The following RXFP1 variants were observed in gnomAD, a reference collection of about 807,000 sequenced individuals.
RXFP1 encodes the protein relaxin family peptide receptor 1, also known as relaxin receptor 1.
RXFP1 carries 73 observed loss-of-function variants against 89.8 expected under a neutral mutation model. The observed-to-expected ratio is 0.81, with a 90% CI of 0.67 to 0.99. The LOEUF (loss-of-function observed/expected upper bound fraction) is 0.99, where lower values mean the gene tolerates loss of function less well. Ranked by LOEUF, RXFP1 falls within the 50% of genes least tolerant of loss-of-function variation. The pLI, the probability that RXFP1 is intolerant of heterozygous loss-of-function variation, is 0.00. For missense variants in RXFP1, 793 were observed against 895.5 expected (o/e 0.89, Z 1.46); for synonymous variants, 277 against 305.5 (o/e 0.91, Z 0.97).
chr4:158,588,318 G>A (rs753223647), intron 2 of RXFP1, among the ~76,000 whole-genome samples: 3 of 152,092 alleles, frequency 2.0e-5, no homozygotes, highest in Non-Finnish European at 4.4e-5. Flanking sequence ...GATTCAGTCA[G>A]CCTCCCCACA....
chr4:158,567,911 G>A (rs753081118), intron 1 of RXFP1, among the ~76,000 whole-genome samples: 2 of 152,190 alleles, frequency 1.3e-5, no homozygotes, highest in Non-Finnish European at 2.9e-5. Context: ...AGCTTGTGGT[G>A]GCTTTGTTCT....
chr4:158,525,705 G>A (rs1161875006), intron 1 of RXFP1, among the ~76,000 whole-genome samples: 2 of 152,130 alleles, frequency 1.3e-5, no homozygotes, highest in African/African-American at 4.8e-5. Context: ...CATGGATGAG[G>A]AACAATGTAA....
intron 9 of RXFP1, among the ~76,000 whole-genome samples, chr4:158,623,758 T>G (rs559838358): frequency 3.3e-5 from 5 of 152,264 alleles, no homozygotes; most frequent in African/African-American, 1.2e-4. Flanking sequence ...GGTCGAAGTA[T>G]TACAGTGTAG....
chr4:158,649,781 A>C (rs1357133829), intron 17 of RXFP1, among the ~76,000 whole-genome samples: 1 of 152,244 alleles, frequency 6.6e-6, no homozygotes, highest in Non-Finnish European at 1.5e-5. Context: ...GCTGCTATGG[A>C]AGACAATATG....
In RXFP1 at chr4:158,652,071, A is replaced by G. The variant is rs1236202062; in HGVS notation, c.*16A>G. On this transcript the variant is annotated 3_prime_UTR_variant, in exon 18 of 18. Coordinates refer to ENST00000307765, the MANE Select transcript of RXFP1 (RefSeq NM_021634.4). ...CTATTCATGACTGACTCTGAAATTC[A>G]TTTCTTCGCAGAGAATACTGTGGGG... 1 of 1,590,266 alleles carries G rather than the reference A, an allele frequency of 6.3e-7. No individual in the cohort carries two copies. Among genetic ancestry groups the G allele is most frequent in the East Asian group, 2.2e-5 (1 of 44,568 alleles).
intron 2 of RXFP1, among the ~76,000 whole-genome samples, chr4:158,585,164 T>A (rs1758056291): frequency 6.6e-6 from 1 of 152,212 alleles, no homozygotes; most frequent in Non-Finnish European, 1.5e-5. Flanking sequence ...TTTCAAAATG[T>A]ACTAATAGGT....
intron 1 of RXFP1, among the ~76,000 whole-genome samples, chr4:158,545,854 C>T (rs1330316765): frequency 6.6e-6 from 1 of 152,104 alleles, no homozygotes. Flanking sequence ...TTACTGTAGC[C>T]TTGTAGTATA....
At chr4:158,528,747 G>T (rs1407462404) in intron 1 of RXFP1, among the ~76,000 whole-genome samples, 1 of 152,234 alleles carries the variant, frequency 6.6e-6, no homozygotes, top group Non-Finnish European at 1.5e-5. Flanking sequence ...TACAGCAGAA[G>T]AAACTTTGCC....
At chr4:158,574,404 G>T (rs1419264683) in intron 2 of RXFP1, among the ~76,000 whole-genome samples, 16 of 152,054 alleles carry the variant, frequency 1.1e-4, no homozygotes, top group Non-Finnish European at 2.9e-5. Flanking sequence ...AAAAAAATCA[G>T]CTAGGTCACA....
intron 1 of RXFP1, among the ~76,000 whole-genome samples, chr4:158,528,977 G>A (rs1743294583): frequency 6.6e-6 from 1 of 152,188 alleles, no homozygotes; most frequent in Non-Finnish European, 1.5e-5. Flanking sequence ...TGGAGGCCCT[G>A]GTCGTAGGGA....
chr4:158,644,269 A>T, intron 14 of RXFP1, among the ~76,000 whole-genome samples: 1 of 151,880 alleles, frequency 6.6e-6, no homozygotes, highest in East Asian at 1.9e-4. Flanking sequence ...GATGGTCTCA[A>T]TATCCTGACC....
At position 158,644,976 on chromosome 4, in the gene RXFP1, G is replaced by A; in HGVS notation, c.1183G>A (p.Gly395Arg). The A allele has an allele frequency of 6.2e-7, 1 of 1,614,142 alleles. No homozygotes were observed. Among genetic ancestry groups the A allele is most frequent in the Non-Finnish European group, 8.5e-7 (1 of 1,180,006 alleles). ...HVRSCKPNTDGISSLENLLAS... is the reference protein window; with the variant it reads ...HVRSCKPNTDRISSLENLLAS... ...TCGCAGCTGTAAACCAAACACTGAT[G>A]GAATTTCATCTCTAGAGAATCTCTT... Residue 395 changes from glycine (G) to arginine (R), a missense_variant, in exon 15 of 18, where the codon GGA (glycine) becomes AGA (arginine). Gly to Arg is a moderately radical substitution (Grantham distance 125). Transcript: ENST00000307765.
At chr4:158,637,667 T>C (rs951495249) in intron 12 of RXFP1, among the ~76,000 whole-genome samples, 4 of 152,182 alleles carry the variant, frequency 2.6e-5, no homozygotes, top group Non-Finnish European at 5.9e-5. Flanking sequence ...GCAAATATTG[T>C]CCCCCATTAC....
At chr4:158,641,809 C>G (rs1341342582) in intron 14 of RXFP1, among the ~76,000 whole-genome samples, 1 of 152,160 alleles carries the variant, frequency 6.6e-6, no homozygotes, top group Non-Finnish European at 1.5e-5. Flanking sequence ...AATAACTTGC[C>G]TCCACTGAAG....
chr4:158,576,574 G>A (rs755389209), intron 2 of RXFP1, among the ~76,000 whole-genome samples: 7 of 152,044 alleles, frequency 4.6e-5, no homozygotes, highest in Non-Finnish European at 8.8e-5. Context: ...TAAACCCAAT[G>A]AGCAGAAAAT....
intron 5 of RXFP1, among the ~76,000 whole-genome samples, chr4:158,605,350 A>G (rs1762373420): frequency 6.6e-6 from 1 of 152,158 alleles, no homozygotes; most frequent in Admixed American, 6.5e-5. Flanking sequence ...TCAGACACAT[A>G]TTTCCAAAGG....
chr4:158,623,549 C>T (rs1211933355), intron 9 of RXFP1, among the ~76,000 whole-genome samples: 2 of 144,208 alleles, frequency 1.4e-5, no homozygotes, highest in Non-Finnish European at 3.1e-5. Context: ...CTTCTCACTC[C>T]ATAAAAGATC....
chr4:158,563,736 G>A (rs1206944603), intron 1 of RXFP1, among the ~76,000 whole-genome samples: 1 of 151,692 alleles, frequency 6.6e-6, no homozygotes, highest in African/African-American at 2.4e-5. Context: ...AAACATTTCA[G>A]TTAGCAATGG....
intron 5 of RXFP1, 88 bp downstream of exon 5, chr4:158,605,227 A>AG (rs1762356153): frequency 1.5e-6 from 1 of 658,758 alleles, no homozygotes; most frequent in Admixed American, 2.4e-5. Flanking sequence ...CACCAACACT[A>AG]TTCCGCTGCT....
Sources: gnomAD v4.1 joint callset for allele counts (sites outside exome capture counted in the v4.1 genomes callset) on GRCh38, gnomAD v4.1.1 for gene constraint, MANE v1.5 for transcripts, NCBI Gene and HGNC (gene_info 2026-07-23, HGNC 2026-07-21) for gene names.